The following TBC1D19 variants were observed in gnomAD, a reference collection of about 807,000 sequenced individuals.
The protein encoded by TBC1D19 is TBC1 domain family member 19.
Under a neutral mutation model 89.0 loss-of-function variants are expected in TBC1D19, and 60 were observed. The ratio of observed to expected loss-of-function variants is 0.67; its 90% CI spans 0.55 to 0.84. TBC1D19 has a LOEUF of 0.84. Among genes scored for constraint, TBC1D19 ranks in the 40% least tolerant of loss-of-function variants. The pLI, the probability that TBC1D19 is intolerant of heterozygous loss-of-function variation, is 0.00. For synonymous variants in TBC1D19, 189 were observed against 199.7 expected (o/e 0.95, Z 0.45); for missense variants, 500 against 610.8 (o/e 0.82, Z 1.91).
At chr4:26,704,202 A>G (rs1193613870) in intron 13 of TBC1D19, among the ~76,000 whole-genome samples, 1 of 152,156 alleles carries the variant, frequency 6.6e-6, no homozygotes, top group Non-Finnish European at 1.5e-5. Context: ...AAATTATGTC[A>G]GTTTCAAAAT....
intron 9 of TBC1D19, among the ~76,000 whole-genome samples, chr4:26,670,968 T>C (rs1712248733): frequency 6.6e-6 from 1 of 151,264 alleles, no homozygotes. Context: ...ATGGTATTGA[T>C]TACATTTTTG....
intron 9 of TBC1D19, among the ~76,000 whole-genome samples, chr4:26,669,827 C>T (rs1399761888): frequency 1.3e-5 from 2 of 151,642 alleles, no homozygotes; most frequent in Non-Finnish European, 3.0e-5. Context: ...AAATCTTGAA[C>T]TGTATAAACT....
At chr4:26,760,493 G>A (rs546358534), downstream of TBC1D19, among the ~76,000 whole-genome samples, 11 of 152,190 alleles carry the variant, frequency 7.2e-5, no homozygotes, top group South Asian at 4.1e-4. Context: ...TGGGAGGATC[G>A]CTTGAGGCTG....
intron 17 of TBC1D19, among the ~76,000 whole-genome samples, chr4:26,741,083 G>T (rs911759249): frequency 6.6e-6 from 1 of 152,088 alleles, no homozygotes; most frequent in Admixed American, 6.6e-5. Context: ...CTGGCCGGGC[G>T]TGGTGGCTCA....
intron 1 of TBC1D19, 89 bp downstream of exon 1, chr4:26,584,381 C>T: frequency 8.3e-7 from 1 of 1,203,496 alleles, no homozygotes; most frequent in Admixed American, 2.0e-5. Flanking sequence ...CAGAGCTCGC[C>T]TCTGACCTCT....
intron 1 of TBC1D19, among the ~76,000 whole-genome samples, chr4:26,612,287 CCATCTCCCAGAAAGGG>C (rs1383940754): frequency 6.6e-6 from 1 of 151,188 alleles, no homozygotes; most frequent in Non-Finnish European, 1.5e-5. Flanking sequence ...GCCACCAGTG[CCATCTCCCAGAAAGGG>C]ATTGAATCAC....
the TBC1D19 span, among the ~76,000 whole-genome samples, chr4:26,808,425 A>G: frequency 6.6e-6 from 1 of 152,152 alleles, no homozygotes; most frequent in African/African-American, 2.4e-5. Context: ...AAATCAAATC[A>G]TTATTATATT....
intron 1 of TBC1D19, among the ~76,000 whole-genome samples, chr4:26,586,557 C>A (rs897120833): frequency 1.3e-5 from 2 of 151,444 alleles, no homozygotes; most frequent in Admixed American, 6.6e-5. Context: ...TGGGGAGAAT[C>A]GAGATTTTTA....
the TBC1D19 span, among the ~76,000 whole-genome samples, chr4:26,820,274 G>T: frequency 6.0e-4 from 91 of 152,218 alleles, no homozygotes; most frequent in African/African-American, 2.1e-3. Context: ...ACTTATTCTT[G>T]CAGTCTGAAA....
the TBC1D19 span, among the ~76,000 whole-genome samples, chr4:26,814,369 C>T: frequency 1.8e-3 from 267 of 152,302 alleles, 5 homozygotes; most frequent in Admixed American, 0.016. Context: ...AATTCAAGAG[C>T]TCTTGAGAAA....
chr4:26,620,740 C>T (rs746193616), intron 4 of TBC1D19, 52 bp downstream of exon 4: 14 of 1,521,518 alleles, frequency 9.2e-6, no homozygotes, highest in South Asian at 1.2e-5. Flanking sequence ...TTATGTAATA[C>T]AGAGCAAAAG....
the TBC1D19 span, among the ~76,000 whole-genome samples, chr4:26,781,337 G>A: frequency 2.0e-4 from 31 of 152,144 alleles, no homozygotes; most frequent in Admixed American, 3.3e-4. Flanking sequence ...CTCAAGTCAG[G>A]TTACCTGGTT....
chr4:26,599,345 G>T (rs960870123), intron 1 of TBC1D19, among the ~76,000 whole-genome samples: 2 of 152,134 alleles, frequency 1.3e-5, no homozygotes, highest in Non-Finnish European at 2.9e-5. Context: ...GCATTTTCCT[G>T]CCACCAGCAT....
chr4:26,595,863 A>G (rs890109732), intron 1 of TBC1D19, among the ~76,000 whole-genome samples: 1 of 152,164 alleles, frequency 6.6e-6, no homozygotes, highest in Non-Finnish European at 1.5e-5. Context: ...GCATACCTTT[A>G]TAAGTCTTGA....
At chr4:26,739,056 T>C (rs147790424) in intron 16 of TBC1D19, among the ~76,000 whole-genome samples, 4 of 152,328 alleles carry the variant, frequency 2.6e-5, no homozygotes, top group Non-Finnish European at 5.9e-5. Flanking sequence ...ATCTGCATTA[T>C]AAATTTGTCT....
At chr4:26,634,283 G>A (rs529934642) in intron 4 of TBC1D19, among the ~76,000 whole-genome samples, 286 of 152,152 alleles carry the variant, frequency 1.9e-3, no homozygotes, top group African/African-American at 6.5e-3. Flanking sequence ...CTTCTTGGGA[G>A]CATTTCTAGC....
downstream of TBC1D19, among the ~76,000 whole-genome samples, chr4:26,757,382 C>G (rs1343020060): frequency 2.0e-5 from 3 of 152,120 alleles, no homozygotes; most frequent in Non-Finnish European, 2.9e-5. Flanking sequence ...TTGCATCCTC[C>G]TGTGCCATCT....
chr4:26,840,881 G>T, the TBC1D19 span, among the ~76,000 whole-genome samples: 2 of 152,138 alleles, frequency 1.3e-5, no homozygotes, highest in Non-Finnish European at 2.9e-5. Context: ...TCACTTCTCA[G>T]CCTGAGAAGA....
intron 1 of TBC1D19, among the ~76,000 whole-genome samples, chr4:26,578,796 G>C (rs1739018997): frequency 6.6e-6 from 1 of 152,146 alleles, no homozygotes; most frequent in African/African-American, 2.4e-5. Flanking sequence ...TTGTATTAGA[G>C]AATAGACTAT....
Sources: gnomAD v4.1 joint callset for allele counts (sites outside exome capture counted in the v4.1 genomes callset) on GRCh38, gnomAD v4.1.1 for gene constraint, MANE v1.5 for transcripts, NCBI Gene and HGNC (gene_info 2026-07-23, HGNC 2026-07-21) for gene names.